LRBA: variants seen among roughly 807,000 people sequenced by gnomAD.
The protein encoded by LRBA is LPS responsive beige-like anchor protein, also known as lipopolysaccharide-responsive and beige-like anchor protein.
Under a neutral mutation model 330.0 loss-of-function variants are expected in LRBA, and 176 were observed. The ratio of observed to expected loss-of-function variants is 0.53; its 90% CI spans 0.47 to 0.60. LRBA has a LOEUF of 0.60. Ranked by LOEUF, LRBA falls within the 20% of genes least tolerant of loss-of-function variation. The pLI is 0.00. For missense variants in LRBA, 3,259 were observed against 3,444.8 expected, an observed-to-expected ratio of 0.95 and a Z score of 1.35; for synonymous variants, 1,230 against 1,193.0, an observed-to-expected ratio of 1.03 and a Z score of -0.64.
At chr4:150,491,590 T>C (rs1260127492) in intron 40 of LRBA, among the ~76,000 whole-genome samples, 1 of 152,142 alleles carries the variant, frequency 6.6e-6, no homozygotes, top group Non-Finnish European at 1.5e-5. Flanking sequence ...TATAAGAGGT[T>C]AAGTATCATT....
chr4:150,385,549 G>A (rs1045872090), intron 47 of LRBA, among the ~76,000 whole-genome samples: 3 of 152,126 alleles, frequency 2.0e-5, no homozygotes, highest in African/African-American at 7.2e-5. Flanking sequence ...GGAGAGTCAA[G>A]GAAATGGATG....
At chr4:150,424,597 A>G (rs1222260104) in intron 46 of LRBA, among the ~76,000 whole-genome samples, 3 of 152,126 alleles carry the variant, frequency 2.0e-5, no homozygotes, top group African/African-American at 7.2e-5. Context: ...GTGCCATCCC[A>G]TAGCAGGGAG....
rs182463240 is a variant in LRBA, at chr4:150,437,383, G to A, written c.6781-519C>T. Among the ~76,000 whole-genome samples, 6 of 151,596 alleles carry A rather than the reference G, an allele frequency of 4.0e-5. No individual in the cohort carries two copies. In the East Asian group the frequency reaches 1.2e-3, roughly 29 times the overall value. ...AGAAACTAGAAATTTCTACTAGTGT[G>A]AGTGAAAACAAAGGATAAAAATATG... On this transcript the variant is annotated intron_variant, in intron 44 of 56. Transcript: ENST00000651943.
Position 150,850,736 on chromosome 4 carries a change from T to C in LRBA, c.3992A>G (p.Gln1331Arg), listed in dbSNP as rs1334258849. Residue 1331 changes from glutamine (Q) to arginine (R), a missense_variant, in exon 24 of 57, where the codon CAG becomes CGG. By Grantham distance (43) the Gln-to-Arg change is conservative (BLOSUM62 1). Coordinates refer to ENST00000651943, the MANE Select transcript of LRBA (RefSeq NM_001364905.1). ...CATATAGACAAACCTTCTCCACATCTGTATATCTGTTTCTATTGAAAATAA... is the reference window on the plus strand; with the variant it reads ...CATATAGACAAACCTTCTCCACATCCGTATATCTGTTTCTATTGAAAATAA... ...DLLFSIETDI[Q>R]MWRSHSTKTV... 5 of 1,609,248 alleles carry C rather than the reference T, an allele frequency of 3.1e-6. No homozygotes were observed. The African/African-American group carries it at 6.7e-5, about 22-fold the overall frequency.
intron 36 of LRBA, among the ~76,000 whole-genome samples, chr4:150,726,231 T>C (rs1161590352): frequency 1.3e-5 from 2 of 152,164 alleles, no homozygotes; most frequent in African/African-American, 4.8e-5. Context: ...CAAGACCTAA[T>C]GATCTGTTGC....
chr4:150,824,553 T>A (rs965318664), intron 30 of LRBA, among the ~76,000 whole-genome samples: 3 of 152,174 alleles, frequency 2.0e-5, no homozygotes, highest in African/African-American at 7.2e-5. Flanking sequence ...GTGGATCTGT[T>A]CTTTATGGCT....
At chr4:150,919,964 AT>A (rs1168277145) in intron 5 of LRBA, among the ~76,000 whole-genome samples, 3 of 150,784 alleles carry the variant, frequency 2.0e-5, no homozygotes, top group African/African-American at 7.3e-5. Flanking sequence ...GTTAGAGGCA[AT>A]GATAGGCTAT....
At chr4:150,283,115 T>C (rs1747745519) in intron 54 of LRBA, among the ~76,000 whole-genome samples, 1 of 152,214 alleles carries the variant, frequency 6.6e-6, no homozygotes, top group Admixed American at 6.5e-5. Flanking sequence ...TCAATCAGCC[T>C]CTGAGTGCCT....
At chr4:150,953,642 A>T (rs1737124244) in intron 2 of LRBA, among the ~76,000 whole-genome samples, 1 of 151,996 alleles carries the variant, frequency 6.6e-6, no homozygotes, top group African/African-American at 2.4e-5. Flanking sequence ...GGGATTGCAG[A>T]CAGAGTCTCA....
At chr4:150,794,041 G>A (rs1740396120) in intron 34 of LRBA, among the ~76,000 whole-genome samples, 2 of 152,102 alleles carry the variant, frequency 1.3e-5, no homozygotes. Context: ...TATGATCCTC[G>A]AAGAATGAGA....
At chr4:150,559,291 G>A (rs10018886) in intron 40 of LRBA, among the ~76,000 whole-genome samples, 68,221 of 151,468 alleles carry the variant, frequency 0.45, 15,914 homozygotes, top group Admixed American at 0.52. Context: ...GGCAGGGCAT[G>A]GTGGCTCATG....
At chr4:150,383,178 C>T (rs1742541541) in intron 47 of LRBA, among the ~76,000 whole-genome samples, 1 of 152,200 alleles carries the variant, frequency 6.6e-6, no homozygotes, top group African/African-American at 2.4e-5. Flanking sequence ...GTACACTGTT[C>T]TTTAAAAATA....
chr4:150,765,749 T>C (rs562811447), intron 34 of LRBA, among the ~76,000 whole-genome samples: 81 of 152,172 alleles, frequency 5.3e-4, no homozygotes, highest in African/African-American at 1.9e-3. Context: ...ATATATTAAG[T>C]AGGCAGGTAA....
At chr4:150,395,304 T>C (rs1310608129) in intron 47 of LRBA, among the ~76,000 whole-genome samples, 1 of 152,164 alleles carries the variant, frequency 6.6e-6, no homozygotes, top group African/African-American at 2.4e-5. Flanking sequence ...GTAATGCCTA[T>C]TTCAATTGTT....
At position 150,735,409 on chromosome 4, in the gene LRBA, C is replaced by T. The variant is rs769072284; in HGVS notation, c.5646-43G>A. The T allele has an allele frequency of 1.1e-5, 14 of 1,239,740 alleles. No individual in the cohort carries two copies. The East Asian group carries it at 2.3e-4, about 21-fold the overall frequency. The allele number at this position is 1,239,740 out of a possible 1,614,324, so 76.8% of individuals were successfully genotyped here. On this transcript the variant is annotated intron_variant, in intron 35 of 56. Coordinates refer to ENST00000651943, the MANE Select transcript of LRBA (RefSeq NM_001364905.1). ...TATCAAATAAATATATGTATACACACACAACATAAATGATTATTCACTGCT... is the reference window on the plus strand; with the variant it reads ...TATCAAATAAATATATGTATACACATACAACATAAATGATTATTCACTGCT...
chr4:150,883,077 T>G (rs945540678), intron 17 of LRBA, among the ~76,000 whole-genome samples: 3 of 152,216 alleles, frequency 2.0e-5, no homozygotes, highest in Non-Finnish European at 4.4e-5. Flanking sequence ...TTTCTCCACT[T>G]GAGACTGTGC....
chr4:150,549,295 T>C (rs1284620661), intron 40 of LRBA, among the ~76,000 whole-genome samples: 2 of 151,872 alleles, frequency 1.3e-5, no homozygotes, highest in Non-Finnish European at 2.9e-5. Flanking sequence ...TTCTGTCATG[T>C]AGAATAATTG....
At chr4:150,679,314 G>C (rs1375189964) in intron 37 of LRBA, among the ~76,000 whole-genome samples, 1 of 152,030 alleles carries the variant, frequency 6.6e-6, no homozygotes, top group Non-Finnish European at 1.5e-5. Flanking sequence ...CCTTTCCTTG[G>C]ACTCTGGATT....
chr4:150,626,237 T>C (rs370362557), intron 37 of LRBA, among the ~76,000 whole-genome samples: 4 of 152,168 alleles, frequency 2.6e-5, no homozygotes, highest in Admixed American at 6.5e-5. Context: ...GGCTTTAAAG[T>C]TGTTTGATTA....
Sources: allele counts gnomAD v4.1 joint callset (sites outside exome capture counted in the v4.1 genomes callset), GRCh38; gene constraint gnomAD v4.1.1; transcripts MANE v1.5; gene names NCBI Gene and HGNC (gene_info 2026-07-23, HGNC 2026-07-21).